GRM1: variants seen among roughly 807,000 people sequenced by gnomAD.
GRM1 encodes the protein glutamate metabotropic receptor 1.
GRM1 carries 33 observed loss-of-function variants against 90.9 expected under a neutral mutation model. The ratio of observed to expected loss-of-function variants is 0.36; its 90% CI spans 0.28 to 0.49. The LOEUF is 0.49. GRM1 is among the 20% of genes least tolerant of loss of function. GRM1 has a pLI of 0.99. For missense variants in GRM1, 1,190 were observed against 1,534.3 expected, an observed-to-expected ratio of 0.78 and a Z score of 3.75; for synonymous variants, 700 against 613.2, an observed-to-expected ratio of 1.14 and a Z score of -2.09.
intron 2 of GRM1, among the ~76,000 whole-genome samples, chr6:146,300,421 A>T (rs560371601): frequency 6.6e-6 from 1 of 152,342 alleles, no homozygotes; most frequent in Non-Finnish European, 1.5e-5. Flanking sequence ...AATGTATAAG[A>T]TAGAAGAAAT....
rs1195871875 is a variant in GRM1, at chr6:146,437,383, C to T, written c.*2587C>T. ...TACTATTATCCTGATTATGGGGTCT[C>T]CTGAATAAATAGAGTATTAGTCCTT... On this transcript the variant is annotated 3_prime_UTR_variant, in exon 8 of 8. Transcript: ENST00000282753. 1 of 152,502 alleles carries T rather than the reference C, an allele frequency of 6.6e-6. No homozygotes were observed. The highest frequency in any genetic ancestry group is 2.4e-5 in the African/African-American group (1 of 41,380). 9.4% of individuals were successfully genotyped at this position (152,502 alleles called of 1,614,324 possible).
intron 2 of GRM1, among the ~76,000 whole-genome samples, chr6:146,262,984 G>A (rs1044643531): frequency 1.3e-5 from 2 of 151,884 alleles, no homozygotes; most frequent in Non-Finnish European, 2.9e-5. Context: ...TGGTAACTGT[G>A]AGTAGATGAA....
intron 2 of GRM1, among the ~76,000 whole-genome samples, chr6:146,225,879 T>C (rs1026262610): frequency 2.0e-5 from 3 of 152,178 alleles, no homozygotes; most frequent in East Asian, 3.8e-4. Context: ...TAAATGAGTA[T>C]GGCAAATCTG....
intron 3 of GRM1, among the ~76,000 whole-genome samples, chr6:146,317,648 A>T (rs538485202): frequency 3.3e-5 from 5 of 152,242 alleles, no homozygotes; most frequent in Non-Finnish European, 7.3e-5. Context: ...CAACATGTTC[A>T]TTATATGTTA....
intron 3 of GRM1, among the ~76,000 whole-genome samples, chr6:146,308,762 A>G (rs2114936103): frequency 6.6e-6 from 1 of 152,216 alleles, no homozygotes; most frequent in East Asian, 1.9e-4. Context: ...CACTGTTAAA[A>G]TTTTGGCATG....
intron 1 of GRM1, among the ~76,000 whole-genome samples, chr6:146,150,893 T>C (rs1777299039): frequency 1.3e-5 from 2 of 151,828 alleles, no homozygotes; most frequent in South Asian, 4.1e-4. Context: ...TCACTATTTA[T>C]TGGCTGAATA....
At chr6:146,094,842 A>G (rs141929855) in intron 1 of GRM1, among the ~76,000 whole-genome samples, 418 of 152,184 alleles carry the variant, frequency 2.7e-3, no homozygotes, top group African/African-American at 9.1e-3. Flanking sequence ...AAAGAGGGAG[A>G]CCAGGGCAGT....
chr6:146,051,643 G>T (rs1378869574), intron 1 of GRM1, among the ~76,000 whole-genome samples: 2 of 152,078 alleles, frequency 1.3e-5, no homozygotes, highest in African/African-American at 4.8e-5. Flanking sequence ...TAAGTGGTTA[G>T]GGGGTCATGA....
At chr6:146,388,542 T>G (rs976718319) in intron 6 of GRM1, among the ~76,000 whole-genome samples, 5 of 152,070 alleles carry the variant, frequency 3.3e-5, no homozygotes, top group Non-Finnish European at 7.4e-5. Flanking sequence ...AAAGTTAAAC[T>G]GAGCAGCAGA....
chr6:146,142,792 T>C (rs1355618158), intron 1 of GRM1, among the ~76,000 whole-genome samples: 1 of 152,094 alleles, frequency 6.6e-6, no homozygotes. Context: ...TTCAGGGCAG[T>C]GGGCTCTCTT....
rs763716800 is a variant in GRM1, at chr6:146,434,262, CCAG to C, written c.3063_3065del (p.Gln1022del). Reference sequence around the variant, plus strand: ...TCCCCAAGGGCTTGCCCCCTCCTCTCCAGCAGCAGCAGCAACCCCCTCCACAGC... The same window carrying C: ...TCCCCAAGGGCTTGCCCCCTCCTCTCCAGCAGCAGCAACCCCCTCCACAGC... On this transcript the variant is annotated inframe_deletion, in exon 8 of 8. Transcript: ENST00000282753. 1.6e-5 allele frequency: 25 copies of C among 1,598,862 alleles called. No individual in the cohort carries two copies. Among genetic ancestry groups the C allele is most frequent in the South Asian group, 3.4e-5 (3 of 89,330 alleles).
intron 1 of GRM1, among the ~76,000 whole-genome samples, chr6:146,142,013 T>C (rs1440083815): frequency 6.6e-6 from 1 of 152,210 alleles, no homozygotes; most frequent in Non-Finnish European, 1.5e-5. Flanking sequence ...GGCTTATTTG[T>C]CCCTGTCTTT....
intron 1 of GRM1, among the ~76,000 whole-genome samples, chr6:146,148,545 C>G (rs1490804056): frequency 6.6e-6 from 1 of 152,028 alleles, no homozygotes; most frequent in Non-Finnish European, 1.5e-5. Flanking sequence ...ACATACCAAC[C>G]TCCTATTGTT....
Position 146,029,494 on chromosome 6 carries a change from G to A in GRM1, c.-24G>A. 2 of 1,583,538 alleles carry A rather than the reference G, an allele frequency of 1.3e-6. No homozygotes were observed. The highest frequency in any genetic ancestry group is 2.2e-5 in the East Asian group (1 of 44,728). Reference sequence around the variant, plus strand: ...ACCAGCGTGGGAACGCGGCTGGCAGGCTGTGGACCTCGTCCTCACCACCAT... The same window carrying A: ...ACCAGCGTGGGAACGCGGCTGGCAGACTGTGGACCTCGTCCTCACCACCAT... On this transcript the variant is annotated 5_prime_UTR_variant, in exon 1 of 8. Coordinates refer to ENST00000282753, the MANE Select transcript of GRM1 (RefSeq NM_001278064.2).
rs71028383 is a variant in GRM1, at chr6:146,235,701, CGTGTGT to C, written c.951-68871_951-68866del. 4.4e-3 allele frequency among the ~76,000 whole-genome samples: 453 copies of C among 102,846 alleles called. 4 individuals carry two copies. The highest frequency in any genetic ancestry group is 0.035 in the East Asian group (130 of 3,730). 67.5% of individuals were successfully genotyped at this position (102,846 alleles called of 152,430 possible). A position where few individuals can be genotyped will look rare whatever the true frequency, so the allele number is the denominator to read the frequency against. ...TCAAAGACATTTTCATCTCTGTTAC[CGTGTGT>C]GTGTGTGTGTGTGTGTGTGTGTGTG... On this transcript the variant is annotated intron_variant, in intron 2 of 7. Coordinates refer to ENST00000282753, the MANE Select transcript of GRM1 (RefSeq NM_001278064.2).
At chr6:146,225,693 T>G (rs572062962) in intron 2 of GRM1, among the ~76,000 whole-genome samples, 1 of 152,154 alleles carries the variant, frequency 6.6e-6, no homozygotes, top group Non-Finnish European at 1.5e-5. Flanking sequence ...AAAATAAATT[T>G]AAGTTCTGCC....
upstream of GRM1, chr6:146,029,053 C>T (rs1447316357): frequency 1.6e-5 from 4 of 252,610 alleles, no homozygotes; most frequent in Non-Finnish European, 2.3e-5. Context: ...GTGACCACAG[C>T]TGCGCTCCAA....
chr6:146,133,505 T>G (rs1776485602), intron 1 of GRM1, among the ~76,000 whole-genome samples: 1 of 152,196 alleles, frequency 6.6e-6, no homozygotes, highest in Non-Finnish European at 1.5e-5. Context: ...AACTATTCCT[T>G]TCTATTTTAT....
intron 1 of GRM1, among the ~76,000 whole-genome samples, chr6:146,126,409 A>G (rs765867348): frequency 1.5e-4 from 23 of 152,152 alleles, no homozygotes; most frequent in Non-Finnish European, 3.1e-4. Flanking sequence ...ATATTTGTAT[A>G]CAAGTATACA....
Sources: gnomAD v4.1 joint callset for allele counts (sites outside exome capture counted in the v4.1 genomes callset) on GRCh38, gnomAD v4.1.1 for gene constraint, MANE v1.5 for transcripts, NCBI Gene and HGNC (gene_info 2026-07-23, HGNC 2026-07-21) for gene names.